MRTFB: variants seen among roughly 807,000 people sequenced by gnomAD.
MRTFB encodes myocardin-related transcription factor B.
A neutral mutation model predicts 104.2 loss-of-function variants in MRTFB; 29 were observed. The ratio of observed to expected loss-of-function variants is 0.28; its 90% CI spans 0.21 to 0.38. MRTFB has a LOEUF of 0.38. Among genes scored for constraint, MRTFB ranks in the 10% least tolerant of loss-of-function variants. MRTFB has a pLI of 1.00. For missense variants in MRTFB, 1,270 were observed against 1,341.6 expected, an observed-to-expected ratio of 0.95 and a Z score of 0.83; for synonymous variants, 535 against 519.5, an observed-to-expected ratio of 1.03 and a Z score of -0.41.
At chr16:14,111,819 A>T (rs1010442744) in intron 2 of MRTFB, among the ~76,000 whole-genome samples, 3 of 152,050 alleles carry the variant, frequency 2.0e-5, no homozygotes, top group Non-Finnish European at 4.4e-5. Flanking sequence ...CCCTCAATTG[A>T]TGGCTTTGCT....
intron 8 of MRTFB, among the ~76,000 whole-genome samples, chr16:14,232,001 A>G (rs891296825): frequency 2.6e-5 from 4 of 152,194 alleles, no homozygotes; most frequent in South Asian, 2.1e-4. Flanking sequence ...TGAAATACCA[A>G]AAGAGCTAAT....
At chr16:14,163,045 A>G (rs1385431325) in intron 3 of MRTFB, among the ~76,000 whole-genome samples, 5 of 152,166 alleles carry the variant, frequency 3.3e-5, no homozygotes, top group Admixed American at 2.0e-4. Flanking sequence ...CATTTGCTCA[A>G]TTCTATAGTA....
At chr16:14,237,450 C>T (rs1325279010) in intron 9 of MRTFB, among the ~76,000 whole-genome samples, 3 of 152,208 alleles carry the variant, frequency 2.0e-5, no homozygotes, top group African/African-American at 7.2e-5. Flanking sequence ...AACGTTGAAG[C>T]ACAGTGACCT....
intron 10 of MRTFB, among the ~76,000 whole-genome samples, chr16:14,244,444 C>CAT (rs2042927152): frequency 6.6e-6 from 1 of 152,094 alleles, no homozygotes; most frequent in Non-Finnish European, 1.5e-5. Context: ...CAGATGTTTT[C>CAT]CTTTAGTACT....
chr16:14,047,750 C>T, the MRTFB span, among the ~76,000 whole-genome samples: 1 of 152,266 alleles, frequency 6.6e-6, no homozygotes, highest in Admixed American at 6.5e-5. Flanking sequence ...ATGATTCAGT[C>T]ATCTCCCACT....
intron 8 of MRTFB, 135 bp downstream of exon 8, chr16:14,219,133 C>T: frequency 1.2e-6 from 1 of 822,046 alleles, no homozygotes; most frequent in Non-Finnish European, 1.7e-6. Context: ...AAAGCAGGCA[C>T]TTAACTGCCC....
At chr16:14,253,856 G>A (rs911614972) in intron 15 of MRTFB, among the ~76,000 whole-genome samples, 31 of 152,190 alleles carry the variant, frequency 2.0e-4, no homozygotes, top group Non-Finnish European at 3.5e-4. Flanking sequence ...TTCAAAGACG[G>A]GTTCAAATAT....
chr16:14,010,642 T>C, the MRTFB span, among the ~76,000 whole-genome samples: 1 of 151,776 alleles, frequency 6.6e-6, no homozygotes, highest in Non-Finnish European at 1.5e-5. Flanking sequence ...CCTAGGCTGG[T>C]CTCGAACTCC....
chr16:14,120,946 T>C (rs147886755), intron 2 of MRTFB, among the ~76,000 whole-genome samples: 1,816 of 152,276 alleles, frequency 0.012, 15 homozygotes, highest in Middle Eastern at 0.034. Context: ...GTGGTTTTTT[T>C]CAAAGAAGAT....
chr16:14,108,396 AG>A (rs1345343538), intron 2 of MRTFB, among the ~76,000 whole-genome samples: 3 of 152,246 alleles, frequency 2.0e-5, no homozygotes, highest in African/African-American at 7.2e-5. Context: ...CATAAGCTTA[AG>A]TTCATTTAAC....
chr16:14,208,241 A>G (rs535447478), intron 3 of MRTFB, among the ~76,000 whole-genome samples: 3 of 152,336 alleles, frequency 2.0e-5, no homozygotes, highest in South Asian at 4.1e-4. Flanking sequence ...GAAATGACCA[A>G]TGTACAATCA....
intron 8 of MRTFB, among the ~76,000 whole-genome samples, chr16:14,222,120 A>G (rs944286905): frequency 1.3e-5 from 2 of 152,110 alleles, no homozygotes; most frequent in Non-Finnish European, 2.9e-5. Context: ...CTTGTAAAGT[A>G]CAAGTGGTGG....
intron 3 of MRTFB, among the ~76,000 whole-genome samples, chr16:14,160,273 G>A (rs974090968): frequency 6.6e-5 from 10 of 151,910 alleles, no homozygotes; most frequent in Admixed American, 6.6e-4. Context: ...AAGACTCCAG[G>A]CCAGTTATTT....
chr16:14,140,554 AGGCCGT>A lies in MRTFB; in HGVS notation c.-51_-46del. On this transcript the variant is annotated 5_prime_UTR_variant, in exon 3 of 17. Coordinates refer to ENST00000571589, the MANE Select transcript of MRTFB (RefSeq NM_001308142.2). ...TCTTTATTTTGGCAGTGTCTTCAAT[AGGCCGT>A]GTTTAAGAGGCGTCTTACACTCCCT... The A allele has an allele frequency of 6.2e-7, 1 of 1,602,934 alleles. No homozygotes were observed. Among genetic ancestry groups the A allele is most frequent in the Non-Finnish European group, 8.5e-7 (1 of 1,172,242 alleles).
intron 10 of MRTFB, chr16:14,240,781 T>C (rs1321403457): frequency 1.3e-6 from 1 of 762,810 alleles, no homozygotes; most frequent in African/African-American, 1.7e-5. Context: ...TACTAGATGC[T>C]CTGAGAAAAG....
At chr16:14,063,602 G>T in the MRTFB span, among the ~76,000 whole-genome samples, 1 of 152,306 alleles carries the variant, frequency 6.6e-6, no homozygotes. Flanking sequence ...TAGAACATGT[G>T]ATGTTTGGTT....
At chr16:14,232,068 T>TAC (rs2042293381) in intron 8 of MRTFB, among the ~76,000 whole-genome samples, 1 of 152,190 alleles carries the variant, frequency 6.6e-6, no homozygotes, top group African/African-American at 2.4e-5. Context: ...CATTTGATAC[T>TAC]ACATCCATGC....
chr16:14,127,379 G>A (rs1414680390), intron 2 of MRTFB, among the ~76,000 whole-genome samples: 3 of 151,880 alleles, frequency 2.0e-5, no homozygotes, highest in African/African-American at 7.3e-5. Flanking sequence ...ACTAAGGGCC[G>A]GGTGCGGTAA....
chr16:14,011,930 G>C, the MRTFB span, among the ~76,000 whole-genome samples: 1 of 152,130 alleles, frequency 6.6e-6, no homozygotes. Flanking sequence ...ATTGTTACAG[G>C]GAACCCACTT....
Sources: allele counts gnomAD v4.1 joint callset (sites outside exome capture counted in the v4.1 genomes callset), GRCh38; gene constraint gnomAD v4.1.1; transcripts MANE v1.5; gene names NCBI Gene and HGNC (gene_info 2026-07-23, HGNC 2026-07-21).